Variants in EPHX1 observed in about 807,000 individuals in gnomAD.
EPHX1 encodes epoxide hydratase.
In EPHX1, 40 loss-of-function variants were observed where a neutral mutation model predicts 43.2. The observed-to-expected ratio is 0.93, with a 90% CI of 0.72 to 1.21. EPHX1 has a LOEUF of 1.21. EPHX1 is among the 50% of genes most tolerant of loss of function. The pLI, the probability that EPHX1 is intolerant of heterozygous loss-of-function variation, is 0.00. For synonymous variants in EPHX1, 221 were observed against 226.7 expected (o/e 0.98, Z 0.22); for missense variants, 550 against 570.4 (o/e 0.96, Z 0.36).
intron 2 of EPHX1, 130 bp from the exon 3 acceptor site, chr1:225,831,649 A>T: frequency 2.4e-6 from 2 of 838,106 alleles, no homozygotes; most frequent in Non-Finnish European, 4.0e-6. Flanking sequence ...GATGTGGGAA[A>T]CTGCCTTGCC....
In EPHX1 at chr1:225,845,513, C is replaced by A; in HGVS notation, c.*166C>A. On this transcript the variant is annotated 3_prime_UTR_variant, in exon 9 of 9. Coordinates refer to ENST00000272167, the MANE Select transcript of EPHX1 (RefSeq NM_001136018.4). ...TCCAAGCTCACTCCCCAACCCCCAA[C>A]TCCGTGTGGTAAGCAACATGGCTTT... 1.5e-6 allele frequency: 1 copy of A among 662,840 alleles called. No homozygotes were observed. Among genetic ancestry groups the A allele is most frequent in the Non-Finnish European group, 2.6e-6 (1 of 387,438 alleles). The allele number at this position is 662,840 out of a possible 1,614,324, so 41.1% of individuals were successfully genotyped here.
intron 3 of EPHX1, among the ~76,000 whole-genome samples, chr1:225,833,795 TAAA>T (rs765544660): frequency 2.8e-5 from 3 of 108,634 alleles, no homozygotes; most frequent in South Asian, 3.0e-4. Context: ...ACTCTGTCTT[TAAA>T]AAAAAAAAAA....
In EPHX1 at chr1:225,844,604, A is replaced by C. The variant is rs373599562; in HGVS notation, c.1147A>C (p.Met383Leu). The change falls in exon 8 of 9, where the codon ATG (methionine) becomes CTG (leucine). Residue 383 changes from methionine to leucine, a missense_variant. Coordinates refer to ENST00000272167, the MANE Select transcript of EPHX1 (RefSeq NM_001136018.4). ...CAAGGAGAACCTGGGACAGGGCTGG[A>C]TGACCCAGAAGCATGAGCGGTGAGC... Reference protein sequence around the residue: ...FYKENLGQGWMTQKHERMKVY... With the variant: ...FYKENLGQGWLTQKHERMKVY... The C allele has an allele frequency of 8.7e-6, 14 of 1,613,990 alleles. No individual in the cohort carries two copies. Among genetic ancestry groups the C allele is most frequent in the Admixed American group, 8.3e-5 (5 of 59,998 alleles).
At position 225,838,692 on chromosome 1, in the gene EPHX1, C is replaced by T. The variant is rs754199890; in HGVS notation, c.403C>T (p.Leu135=). The T allele has an allele frequency of 6.2e-7, 1 of 1,614,172 alleles. No individual in the cohort carries two copies. The change falls in exon 4 of 9, where the codon CTG becomes TTG. Residue 135 remains leucine, a synonymous_variant. Transcript: ENST00000272167. ...CTTCATCCACGTGAAGCCCCCCCAG[C>T]TGCCCGCAGGCCATACCCCGAAGCC... The part of the protein sequence containing the change: ...IHFIHVKPPQ[L]PAGHTPKPLL...
At chr1:225,824,576 C>T (rs2854447) in intron 1 of EPHX1, among the ~76,000 whole-genome samples, 32,468 of 152,172 alleles carry the variant, frequency 0.21, 4,147 homozygotes, top group South Asian at 0.35. Context: ...ATCAGGCCTC[C>T]GAGCTCCTTC....
intron 1 of EPHX1, among the ~76,000 whole-genome samples, chr1:225,820,532 T>C (rs1666934604): frequency 6.6e-6 from 1 of 152,182 alleles, no homozygotes; most frequent in South Asian, 2.1e-4. Flanking sequence ...TAGTAATAAA[T>C]GAGACAACTA....
intron 1 of EPHX1, among the ~76,000 whole-genome samples, chr1:225,819,009 C>T (rs929265387): frequency 1.3e-5 from 2 of 149,418 alleles, no homozygotes; most frequent in African/African-American, 2.5e-5. Flanking sequence ...GGGCGGATCA[C>T]GAGGTCAGGA....
chr1:225,821,371 G>A (rs899414411), intron 1 of EPHX1, among the ~76,000 whole-genome samples: 5 of 151,484 alleles, frequency 3.3e-5, no homozygotes, highest in African/African-American at 7.3e-5. Flanking sequence ...TCAGCCTCCC[G>A]AGTAGCTGGG....
At chr1:225,834,353 C>T (rs1332932134) in intron 3 of EPHX1, among the ~76,000 whole-genome samples, 5 of 151,672 alleles carry the variant, frequency 3.3e-5, no homozygotes, top group East Asian at 1.9e-4. Context: ...TGCAGTGAGC[C>T]GAGATCGCGC....
At chr1:225,815,411 C>CTTTT (rs5781415) in intron 1 of EPHX1, among the ~76,000 whole-genome samples, 103 of 78,174 alleles carry the variant, frequency 1.3e-3, no homozygotes, top group East Asian at 1.8e-3. Flanking sequence ...AGCTAATTTT[C>CTTTT]TTTTTTTTTT....
intron 1 of EPHX1, chr1:225,810,407 C>G (rs1666417848): frequency 6.6e-6 from 1 of 151,814 alleles, no homozygotes; most frequent in African/African-American, 2.4e-5. Context: ...GCGGACTTCT[C>G]GCAGGGAATT....
rs754985149 is a variant in EPHX1 at position 225,842,446 on chromosome 1, C to T, written c.1012C>T (p.Arg338Ter). The change falls in exon 7 of 9, where the codon CGA becomes TGA. Residue 338 changes from arginine (R) to a stop codon, truncating the protein, a stop_gained. Coordinates refer to ENST00000272167, the MANE Select transcript of EPHX1 (RefSeq NM_001136018.4). LOFTEE classifies it high-confidence loss of function. ...TTCCACCTGGACCAATACGGAATTC[C>T]GATACCTGGAGGATGGAGGCCTGGA... ...KFSTWTNTEF[R>*]YLEDGGLERK... 10 of 1,613,824 alleles carry T rather than the reference C, an allele frequency of 6.2e-6. No homozygotes were observed. Among genetic ancestry groups the T allele is most frequent in the East Asian group, 4.5e-5 (2 of 44,902 alleles).
At chr1:225,833,667 T>C (rs45479996) in intron 3 of EPHX1, among the ~76,000 whole-genome samples, 14,710 of 148,482 alleles carry the variant, frequency 0.099, 952 homozygotes, top group Middle Eastern at 0.23. Flanking sequence ...TGGTGGCGGG[T>C]GCCTGTAGTC....
At chr1:225,832,722 C>CT (rs1284578786) in intron 3 of EPHX1, among the ~76,000 whole-genome samples, 2 of 152,184 alleles carry the variant, frequency 1.3e-5, no homozygotes, top group African/African-American at 4.8e-5. Context: ...TTTTTCCTTT[C>CT]TTTTTTTCGG....
chr1:225,832,825 G>A (rs1022763679), intron 3 of EPHX1, among the ~76,000 whole-genome samples: 13 of 152,020 alleles, frequency 8.6e-5, no homozygotes, highest in South Asian at 6.2e-4. Context: ...TTTTTTATGC[G>A]GTACTTATTG....
At chr1:225,843,445 C>A (rs545087759) in intron 7 of EPHX1, among the ~76,000 whole-genome samples, 1 of 152,208 alleles carries the variant, frequency 6.6e-6, no homozygotes, top group Admixed American at 6.5e-5. Flanking sequence ...TCACCTCCTC[C>A]AAGAGCCTCA....
intron 1 of EPHX1, among the ~76,000 whole-genome samples, chr1:225,813,362 G>A (rs1288668851): frequency 6.6e-6 from 1 of 152,184 alleles, no homozygotes; most frequent in African/African-American, 2.4e-5. Flanking sequence ...CTTAGGAGCA[G>A]AGTCTCCAAG....
chr1:225,815,772 G>A (rs1373638436), intron 1 of EPHX1, among the ~76,000 whole-genome samples: 1 of 152,178 alleles, frequency 6.6e-6, no homozygotes, highest in African/African-American at 2.4e-5. Flanking sequence ...TGCTAGATGA[G>A]ACGGCAGGCT....
intron 3 of EPHX1, chr1:225,832,225 T>C (rs1667647640): frequency 2.2e-6 from 1 of 456,842 alleles, no homozygotes; most frequent in Non-Finnish European, 4.1e-6. Context: ...TGGCAATCTT[T>C]GAGAGGAAGG....
Sources: allele counts gnomAD v4.1 joint callset (sites outside exome capture counted in the v4.1 genomes callset), GRCh38; gene constraint gnomAD v4.1.1; transcripts MANE v1.5; gene names NCBI Gene and HGNC (gene_info 2026-07-23, HGNC 2026-07-21).